Variants in CSMD1 observed in about 807,000 individuals in gnomAD.
CSMD1 encodes the protein CUB and sushi domain-containing protein 1.
Under a neutral mutation model 417.5 loss-of-function variants are expected in CSMD1, and 213 were observed. That is an observed-to-expected ratio of 0.51 (90% confidence interval 0.46 to 0.57). The LOEUF (loss-of-function observed/expected upper bound fraction) is 0.57. CSMD1 is among the 20% of genes least tolerant of loss of function. The pLI is 0.00. For missense variants in CSMD1, 6,923 were observed against 4,529.7 expected, an observed-to-expected ratio of 1.53 and a Z score of -15.17; for synonymous variants, 2,862 against 1,736.8, an observed-to-expected ratio of 1.65 and a Z score of -16.11.
At chr8:4,308,803 A>C (rs948798894) in intron 3 of CSMD1, among the ~76,000 whole-genome samples, 1 of 152,212 alleles carries the variant, frequency 6.6e-6, no homozygotes, top group Non-Finnish European at 1.5e-5. Flanking sequence ...CAGATGAGTT[A>C]TTATGCTATT....
At chr8:4,075,135 C>A (rs571384410) in intron 3 of CSMD1, among the ~76,000 whole-genome samples, 1 of 151,934 alleles carries the variant, frequency 6.6e-6, no homozygotes, top group Non-Finnish European at 1.5e-5. Flanking sequence ...CAAAATGATA[C>A]GAAAAACTAA....
intron 51 of CSMD1, 140 bp from the exon 52 acceptor site, chr8:3,018,790 T>C: frequency 1.3e-6 from 1 of 753,502 alleles, no homozygotes. Flanking sequence ...TGGTTGAGAG[T>C]GTCTGCTTAG....
chr8:3,024,179 T>C (rs1480391197), intron 51 of CSMD1, among the ~76,000 whole-genome samples: 1 of 152,004 alleles, frequency 6.6e-6, no homozygotes, highest in Non-Finnish European at 1.5e-5. Context: ...ACATGAGAGA[T>C]AAATGTAATT....
chr8:4,834,187 C>G (rs891462194), intron 1 of CSMD1, among the ~76,000 whole-genome samples: 1 of 152,092 alleles, frequency 6.6e-6, no homozygotes, highest in Non-Finnish European at 1.5e-5. Flanking sequence ...AGGTTTAAAT[C>G]TGTAATTTTA....
At chr8:4,104,933 G>T (rs562903230) in intron 3 of CSMD1, among the ~76,000 whole-genome samples, 2 of 152,190 alleles carry the variant, frequency 1.3e-5, no homozygotes, top group Non-Finnish European at 2.9e-5. Flanking sequence ...CACAACAGTA[G>T]TTTAAACATG....
At chr8:3,678,580 C>T (rs768602116) in intron 7 of CSMD1, among the ~76,000 whole-genome samples, 3 of 152,024 alleles carry the variant, frequency 2.0e-5, no homozygotes, top group African/African-American at 4.8e-5. Context: ...CTGAGAGTGA[C>T]GGGGAGAATG....
intron 12 of CSMD1, among the ~76,000 whole-genome samples, chr8:3,454,168 G>C (rs1054221915): frequency 1.3e-5 from 2 of 152,172 alleles, no homozygotes; most frequent in Non-Finnish European, 2.9e-5. Flanking sequence ...TTGCTTGGTA[G>C]ATCTTTCTCC....
At chr8:3,180,138 C>T (rs1821230873) in intron 37 of CSMD1, among the ~76,000 whole-genome samples, 1 of 152,172 alleles carries the variant, frequency 6.6e-6, no homozygotes, top group East Asian at 1.9e-4. Flanking sequence ...GAAAACAGGT[C>T]CTAAAATAAA....
intron 7 of CSMD1, among the ~76,000 whole-genome samples, chr8:3,647,389 T>TATAAC (rs5888978): frequency 0.94 from 143,548 of 151,926 alleles, 67,890 homozygotes; most frequent in African/African-American, 0.99. Flanking sequence ...TAGAAAGAAA[T>TATAAC]ATAAAGAGAA....
intron 3 of CSMD1, among the ~76,000 whole-genome samples, chr8:4,042,722 G>A (rs548316794): frequency 2.7e-5 from 4 of 147,770 alleles, no homozygotes. Context: ...AGAAGTGACA[G>A]AAATGACAGC....
chr8:3,990,601 T>G (rs1213329357), intron 5 of CSMD1, among the ~76,000 whole-genome samples: 1 of 152,218 alleles, frequency 6.6e-6, no homozygotes, highest in African/African-American at 2.4e-5. Flanking sequence ...TTCTTTGAAA[T>G]AGTTTTTTAA....
At chr8:4,435,326 G>A (rs1018724483) in intron 2 of CSMD1, among the ~76,000 whole-genome samples, 1 of 152,130 alleles carries the variant, frequency 6.6e-6, no homozygotes, top group Non-Finnish European at 1.5e-5. Context: ...CAGGTAAAAT[G>A]CAGGATTATG....
chr8:4,765,031 G>T (rs1162745763), intron 1 of CSMD1, among the ~76,000 whole-genome samples: 1 of 152,026 alleles, frequency 6.6e-6, no homozygotes, highest in African/African-American at 2.4e-5. Flanking sequence ...TTAAGCAACT[G>T]CATGTTTTCG....
At chr8:4,020,910 T>C (rs1041218984) in intron 4 of CSMD1, among the ~76,000 whole-genome samples, 2 of 152,216 alleles carry the variant, frequency 1.3e-5, no homozygotes, top group African/African-American at 4.8e-5. Flanking sequence ...GCTTCAGCAA[T>C]TGCTGAAACT....
intron 3 of CSMD1, among the ~76,000 whole-genome samples, chr8:4,347,325 T>C (rs550637480): frequency 1.8e-4 from 27 of 152,308 alleles, no homozygotes; most frequent in Admixed American, 1.4e-3. Flanking sequence ...ATTCAGTCTA[T>C]AGCATAGGAC....
At chr8:4,960,920 G>A (rs1181054893) in intron 1 of CSMD1, among the ~76,000 whole-genome samples, 2 of 152,014 alleles carry the variant, frequency 1.3e-5, no homozygotes, top group African/African-American at 2.4e-5. Context: ...CAATGCATGT[G>A]GCTGTTACTT....
At chr8:4,357,777 A>G (rs1288929210) in intron 3 of CSMD1, among the ~76,000 whole-genome samples, 5 of 152,162 alleles carry the variant, frequency 3.3e-5, no homozygotes, top group Admixed American at 6.5e-5. Flanking sequence ...TGAAAAGAAT[A>G]AGGAGGATGG....
At chr8:3,134,506 C>T (rs1015497869) in intron 41 of CSMD1, among the ~76,000 whole-genome samples, 2 of 152,154 alleles carry the variant, frequency 1.3e-5, no homozygotes, top group Non-Finnish European at 2.9e-5. Flanking sequence ...GTGTCAGGTC[C>T]AAAACGAAAA....
intron 52 of CSMD1, among the ~76,000 whole-genome samples, chr8:3,007,447 T>G (rs1808027435): frequency 6.6e-6 from 1 of 151,358 alleles, no homozygotes; most frequent in South Asian, 2.1e-4. Flanking sequence ...CTATAAATCA[T>G]GCTGCTATAA....
Sources: gnomAD v4.1 joint callset for allele counts (sites outside exome capture counted in the v4.1 genomes callset) on GRCh38, gnomAD v4.1.1 for gene constraint, MANE v1.5 for transcripts, NCBI Gene and HGNC (gene_info 2026-07-23, HGNC 2026-07-21) for gene names.